Variants in XIRP2 observed in about 807,000 individuals in gnomAD.
XIRP2 encodes the protein xin actin-binding repeat-containing protein 2.
XIRP2 carries 236 observed loss-of-function variants against 277.0 expected under a neutral mutation model. The ratio of observed to expected loss-of-function variants is 0.85; its 90% CI spans 0.77 to 0.95. The LOEUF (loss-of-function observed/expected upper bound fraction) is 0.95. XIRP2 is among the 40% of genes least tolerant of loss of function. The pLI is 0.00. For missense variants in XIRP2, 4,640 were observed against 4,157.5 expected, an observed-to-expected ratio of 1.12 and a Z score of -3.19; for synonymous variants, 1,490 against 1,416.5, an observed-to-expected ratio of 1.05 and a Z score of -1.17.
chr2:167,120,228 C>T (rs1254719599), intron 2 of XIRP2, among the ~76,000 whole-genome samples: 3 of 152,138 alleles, frequency 2.0e-5, no homozygotes, highest in Non-Finnish European at 4.4e-5. Context: ...AACTTTGTCT[C>T]TTGGGGGCTG....
intron 2 of XIRP2, among the ~76,000 whole-genome samples, chr2:167,071,755 G>A (rs1327295719): frequency 2.6e-5 from 4 of 152,182 alleles, no homozygotes; most frequent in South Asian, 4.1e-4. Context: ...CTGGAAGCTG[G>A]CAGACCTTCT....
intron 2 of XIRP2, among the ~76,000 whole-genome samples, chr2:167,025,736 T>A (rs1688133326): frequency 6.6e-6 from 1 of 152,084 alleles, no homozygotes; most frequent in Admixed American, 6.6e-5. Context: ...CAGGAGCAGG[T>A]TGTTCAGTTT....
chr2:167,239,810 T>G, intron 5 of XIRP2, 45 bp from the exon 6 acceptor site: 1 of 1,533,970 alleles, frequency 6.5e-7, no homozygotes, highest in East Asian at 2.3e-5. Flanking sequence ...AAGTTAAAAT[T>G]TTTACTTTTC....
At chr2:167,066,361 A>G (rs6738801) in intron 2 of XIRP2, among the ~76,000 whole-genome samples, 9,920 of 152,022 alleles carry the variant, frequency 0.065, 585 homozygotes, top group African/African-American at 0.16. Context: ...CAAATAGCCA[A>G]TGGGTGTACA....
At chr2:167,183,332 T>C (rs1693069031) in intron 3 of XIRP2, among the ~76,000 whole-genome samples, 1 of 152,200 alleles carries the variant, frequency 6.6e-6, no homozygotes, top group African/African-American at 2.4e-5. Context: ...AATGTAGATG[T>C]AGCTTGTCAA....
rs556224849 is a variant in XIRP2, at chr2:167,125,053, C to T, written c.409-10856C>T. 3.9e-5 allele frequency among the ~76,000 whole-genome samples: 6 copies of T among 152,248 alleles called. No homozygotes were observed. In the South Asian group the frequency reaches 1.2e-3, roughly 32 times the overall value. ...CTTACTTCTCAATACTTCATCAAGC[C>T]TTGTTAAATGAGGGGGCAAGCCACA... On this transcript the variant is annotated intron_variant, in intron 2 of 10. Coordinates refer to ENST00000409195, the MANE Select transcript of XIRP2 (RefSeq NM_152381.6).
At position 167,045,045 on chromosome 2, in the gene XIRP2, G is replaced by GA. The variant is rs201572210; in HGVS notation, c.409-90857dup. 2.6e-4 allele frequency among the ~76,000 whole-genome samples: 40 copies of GA among 151,210 alleles called. 1 individual carries two copies. In the East Asian group the frequency reaches 6.6e-3, roughly 25 times the overall value. On this transcript the variant is annotated intron_variant, in intron 2 of 10. Coordinates refer to ENST00000409195, the MANE Select transcript of XIRP2 (RefSeq NM_152381.6). ...AAACAGCATACTATTGGAAAAAAAA[G>GA]AAAAAAACAGGTGGACCAATGGAAC...
chr2:166,918,770 A>G (rs1390634378), intron 2 of XIRP2, among the ~76,000 whole-genome samples: 1 of 152,142 alleles, frequency 6.6e-6, no homozygotes, highest in Non-Finnish European at 1.5e-5. Context: ...TAAATAAGAT[A>G]TTAAGATTAG....
chr2:166,939,789 G>C (rs1165884096), intron 2 of XIRP2, among the ~76,000 whole-genome samples: 1 of 151,696 alleles, frequency 6.6e-6, no homozygotes, highest in Admixed American at 6.6e-5. Flanking sequence ...CTCTCTTCTG[G>C]CTTGTAGAGT....
At chr2:167,029,686 A>G (rs1410718060) in intron 2 of XIRP2, among the ~76,000 whole-genome samples, 5 of 151,948 alleles carry the variant, frequency 3.3e-5, no homozygotes, top group Non-Finnish European at 5.9e-5. Context: ...TTGTGTCTCT[A>G]CCAGGTTTTG....
intron 3 of XIRP2, among the ~76,000 whole-genome samples, chr2:167,167,264 G>T (rs1166798023): frequency 2.6e-5 from 4 of 151,898 alleles, no homozygotes; most frequent in African/African-American, 9.7e-5. Flanking sequence ...ATATAGTCAG[G>T]TCTTATTTTT....
chr2:166,948,858 G>A (rs938680914), intron 2 of XIRP2, among the ~76,000 whole-genome samples: 11 of 152,024 alleles, frequency 7.2e-5, no homozygotes, highest in African/African-American at 2.4e-4. Flanking sequence ...ACACGGTTTT[G>A]TACAGTTGGT....
intron 3 of XIRP2, among the ~76,000 whole-genome samples, chr2:167,153,871 A>G (rs1307908843): frequency 2.0e-5 from 3 of 151,068 alleles, no homozygotes; most frequent in African/African-American, 4.9e-5. Flanking sequence ...ATAAACATAC[A>G]TGTGCATGTG....
rs575664263 is a variant in XIRP2, at chr2:167,248,817, G to A, written c.7425G>A (p.Thr2475=). Reference sequence around the variant, plus strand: ...TGGTGATGACCAGCAGTGAACACACGGAGACAAAGCAGAACGTTATTAGTA... The same window carrying A: ...TGGTGATGACCAGCAGTGAACACACAGAGACAAAGCAGAACGTTATTAGTA... ...KVMVMTSSEH[T]ETKQNVISKS... Residue 2475 remains threonine (T), a synonymous_variant, in exon 9 of 11, where the codon ACG becomes ACA. Transcript: ENST00000409195. 1.4e-5 allele frequency: 22 copies of A among 1,613,588 alleles called. No homozygotes were observed. Among genetic ancestry groups the A allele is most frequent in the South Asian group, 5.5e-5 (5 of 91,056 alleles).
intron 3 of XIRP2, among the ~76,000 whole-genome samples, chr2:167,193,713 A>G (rs1469885018): frequency 6.6e-6 from 1 of 151,958 alleles, no homozygotes; most frequent in Non-Finnish European, 1.5e-5. Flanking sequence ...CCCCATCTCT[A>G]CTAAAAATAC....
intron 2 of XIRP2, among the ~76,000 whole-genome samples, chr2:166,917,331 G>C (rs1684914827): frequency 6.6e-6 from 1 of 152,116 alleles, no homozygotes; most frequent in South Asian, 2.1e-4. Context: ...TAGACAGAGA[G>C]AGGACATCAA....
At chr2:167,087,101 T>A (rs1425782685) in intron 2 of XIRP2, among the ~76,000 whole-genome samples, 4 of 152,020 alleles carry the variant, frequency 2.6e-5, no homozygotes, top group Admixed American at 6.6e-5. Flanking sequence ...TTGATGATGG[T>A]GATGTACACA....
chr2:167,226,202 CT>C (rs1375078267), intron 5 of XIRP2, among the ~76,000 whole-genome samples: 1 of 152,154 alleles, frequency 6.6e-6, no homozygotes, highest in Non-Finnish European at 1.5e-5. Context: ...CAGGAATTGA[CT>C]TTTTTTCACT....
intron 2 of XIRP2, among the ~76,000 whole-genome samples, chr2:167,046,983 A>G (rs1688802935): frequency 6.6e-6 from 1 of 152,016 alleles, no homozygotes; most frequent in African/African-American, 2.4e-5. Flanking sequence ...CTATTCTCCA[A>G]CATTAAGGCA....
Sources: allele counts gnomAD v4.1 joint callset (sites outside exome capture counted in the v4.1 genomes callset), GRCh38; gene constraint gnomAD v4.1.1; transcripts MANE v1.5; gene names NCBI Gene and HGNC (gene_info 2026-07-23, HGNC 2026-07-21).